AVL9: variants seen among roughly 807,000 people sequenced by gnomAD.
AVL9 encodes AVL9 cell migration associated.
A neutral mutation model predicts 79.2 loss-of-function variants in AVL9; 49 were observed. The ratio of observed to expected loss-of-function variants is 0.62; its 90% confidence interval spans 0.49 to 0.79. The LOEUF is 0.79. Ranked by LOEUF, AVL9 falls within the 30% of genes least tolerant of loss-of-function variation. The pLI, the probability that AVL9 is intolerant of heterozygous loss-of-function variation, is 0.00. For synonymous variants in AVL9, 299 were observed against 280.6 expected, an observed-to-expected ratio of 1.07 and a Z score of -0.65; for missense variants, 682 against 776.8, an observed-to-expected ratio of 0.88 and a Z score of 1.45.
intron 6 of AVL9, among the ~76,000 whole-genome samples, chr7:32,553,088 TGTG>T (rs1303757988): frequency 2.0e-5 from 3 of 152,182 alleles, no homozygotes; most frequent in Non-Finnish European, 2.9e-5. Context: ...AGTTGCCAAT[TGTG>T]GTAGTTTATG....
At chr7:32,538,763 C>G (rs1033879820) in intron 1 of AVL9, 1 of 152,072 alleles carries the variant, frequency 6.6e-6, no homozygotes, top group African/African-American at 2.4e-5. Flanking sequence ...ACTACAGTCA[C>G]CAGTCAAGGG....
Position 32,543,161 on chromosome 7 carries a change from CCT to C in AVL9, c.115_116del (p.Leu39AspfsTer7). The C allele has an allele frequency of 6.2e-7, 1 of 1,614,098 alleles. No homozygotes were observed. The highest frequency in any genetic ancestry group is 8.5e-7 in the Non-Finnish European group (1 of 1,180,022). On this transcript the variant is annotated frameshift_variant, in exon 2 of 16. Coordinates refer to ENST00000318709, the MANE Select transcript of AVL9 (RefSeq NM_015060.3). LOFTEE classifies it high-confidence loss of function. ...GCQVEFSYPP[L>X]IPGDGHDSHT... ...TTTAGGTTGAATTCTCTTACCCGCC[CCT>C]GATTCCAGGAGATGGACATGACAGC...
chr7:32,548,144 C>CTGTCTTTTTTTTTTTT (rs1227025763), intron 3 of AVL9, among the ~76,000 whole-genome samples: 2 of 57,598 alleles, frequency 3.5e-5, no homozygotes, highest in African/African-American at 1.1e-4. Context: ...TTTGTCATCT[C>CTGTCTTTTTTTTTTTT]TTTTTTCTTT....
intron 13 of AVL9, 65 bp downstream of exon 13, chr7:32,576,137 A>G: frequency 1.8e-6 from 2 of 1,090,852 alleles, no homozygotes; most frequent in South Asian, 2.7e-5. Context: ...CAATACAGAG[A>G]AAAATCTATT....
intron 1 of AVL9, among the ~76,000 whole-genome samples, chr7:32,516,035 C>T (rs1479845198): frequency 1.3e-5 from 2 of 152,186 alleles, no homozygotes; most frequent in Non-Finnish European, 2.9e-5. Flanking sequence ...TTAAAGAACA[C>T]AGAACAAAGG....
At chr7:32,554,078 G>C (rs1488917629) in intron 7 of AVL9, among the ~76,000 whole-genome samples, 1 of 152,078 alleles carries the variant, frequency 6.6e-6, no homozygotes, top group East Asian at 1.9e-4. Flanking sequence ...AACATGTTTT[G>C]ATCTTGCAGA....
intron 3 of AVL9, among the ~76,000 whole-genome samples, chr7:32,544,984 C>A (rs1396449154): frequency 6.6e-6 from 1 of 152,150 alleles, no homozygotes; most frequent in African/African-American, 2.4e-5. Context: ...ATTTGTATCA[C>A]AATATTTTGT....
intron 10 of AVL9, among the ~76,000 whole-genome samples, chr7:32,564,681 A>G (rs910069836): frequency 1.3e-5 from 2 of 152,140 alleles, no homozygotes; most frequent in African/African-American, 4.8e-5. Flanking sequence ...GAGGCTTACT[A>G]TGTAAATGCT....
chr7:32,510,757 T>C (rs1396867971), intron 1 of AVL9, among the ~76,000 whole-genome samples: 1 of 102,080 alleles, frequency 9.8e-6, no homozygotes, highest in Non-Finnish European at 2.1e-5. Flanking sequence ...AGGGTAAGAT[T>C]TGTGAGCCGT....
intron 10 of AVL9, chr7:32,562,624 CAA>C (rs1790377267): frequency 2.0e-6 from 2 of 984,598 alleles, no homozygotes; most frequent in South Asian, 9.4e-5. Context: ...TTCACTGGGT[CAA>C]AAGTTACACT....
chr7:32,546,083 TAA>T (rs1554340433), intron 3 of AVL9, among the ~76,000 whole-genome samples: 2,174 of 144,678 alleles, frequency 0.015, 75 homozygotes, highest in African/African-American at 0.052. Context: ...TTTTTTTTTT[TAA>T]ATATCTGTAC....
At chr7:32,565,564 A>AC (rs1173771207) in intron 10 of AVL9, among the ~76,000 whole-genome samples, 1 of 151,410 alleles carries the variant, frequency 6.6e-6, no homozygotes, top group Admixed American at 6.6e-5. Flanking sequence ...CGTCTCAAAA[A>AC]AAAAAAAAGA....
intron 10 of AVL9, chr7:32,562,811 A>G (rs1182219540): frequency 1.3e-5 from 2 of 159,274 alleles, no homozygotes; most frequent in African/African-American, 4.8e-5. Flanking sequence ...AGTCACCGCT[A>G]CTTGGGAGGC....
At chr7:32,506,692 A>G (rs988033805) in intron 1 of AVL9, among the ~76,000 whole-genome samples, 15 of 151,960 alleles carry the variant, frequency 9.9e-5, no homozygotes, top group Admixed American at 3.3e-4. Context: ...CGGGAGGATT[A>G]CCTGAGGCCA....
At chr7:32,583,555 T>G (rs1039429513) in intron 15 of AVL9, among the ~76,000 whole-genome samples, 5 of 152,136 alleles carry the variant, frequency 3.3e-5, no homozygotes, top group Admixed American at 6.5e-5. Flanking sequence ...CACACAGGCC[T>G]GTGGTCCTAG....
chr7:32,569,993 AT>A lies in AVL9; in HGVS notation c.1216-23del, dbSNP rs1790753337. 7 of 1,610,480 alleles carry A rather than the reference AT, an allele frequency of 4.3e-6. No homozygotes were observed. In the East Asian group the frequency reaches 1.6e-4, roughly 36 times the overall value. The stretch of plus-strand genomic sequence containing the variant: ...AAAGGTAACCTTTTACTTTTCTGAT[AT>A]TTTCTATTACTCTTCTAATTCATAG... On this transcript the variant is annotated intron_variant, in intron 10 of 15. Coordinates refer to ENST00000318709, the MANE Select transcript of AVL9 (RefSeq NM_015060.3).
intron 12 of AVL9, 28 bp from the exon 13 acceptor site, chr7:32,575,927 C>T (rs1343898619): frequency 2.0e-6 from 3 of 1,514,836 alleles, no homozygotes; most frequent in African/African-American, 1.4e-5. Context: ...CAGCCCAGCT[C>T]AACTTCTTTC....
chr7:32,547,111 C>G (rs113639741), intron 3 of AVL9, among the ~76,000 whole-genome samples: 84 of 152,262 alleles, frequency 5.5e-4, no homozygotes, highest in African/African-American at 2.0e-3. Context: ...AAGTTGGTAT[C>G]AAGAGGTGAC....
rs1335920598 is a variant in AVL9 at position 32,558,913 on chromosome 7, A to T, written c.680-16A>T. 2.6e-6 allele frequency: 4 copies of T among 1,552,294 alleles called. No homozygotes were observed. The highest frequency in any genetic ancestry group is 3.5e-4 in the Middle Eastern group (2 of 5,742). ...TTATTATAAGCCAAGCTGTTCTTTG[A>T]TATTGCATATTTTAGGCATGATTGA... On this transcript the variant is annotated splice_polypyrimidine_tract_variant and intron_variant, in intron 9 of 15. Transcript: ENST00000318709.
Sources: gnomAD v4.1 joint callset for allele counts (sites outside exome capture counted in the v4.1 genomes callset) on GRCh38, gnomAD v4.1.1 for gene constraint, MANE v1.5 for transcripts, NCBI Gene and HGNC (gene_info 2026-07-23, HGNC 2026-07-21) for gene names.